The following HDHD5 variants were observed in gnomAD, a reference collection of about 807,000 sequenced individuals.
HDHD5 encodes haloacid dehalogenase-like hydrolase domain-containing 5.
In HDHD5, 34 loss-of-function variants were observed where a neutral mutation model predicts 35.5. The ratio of observed to expected loss-of-function variants is 0.96; its 90% CI spans 0.73 to 1.28. The LOEUF is 1.28. Among genes scored for constraint, HDHD5 ranks in the 50% most tolerant of loss-of-function variants. The pLI, the probability that HDHD5 is intolerant of heterozygous loss-of-function variation, is 0.00. For synonymous variants in HDHD5, 248 were observed against 240.6 expected (o/e 1.03, Z -0.29); for missense variants, 589 against 560.2 (o/e 1.05, Z -0.52).
chr22:17,161,636 G>A (rs543755017), upstream of HDHD5, among the ~76,000 whole-genome samples: 3 of 151,958 alleles, frequency 2.0e-5, no homozygotes, highest in East Asian at 1.9e-4. Context: ...GGGAAGCCGA[G>A]GCAGGTGGAT....
rs59104154 is a variant in HDHD5 at position 17,151,727 on chromosome 22, TAAAAAAAAA to T, written c.127-1991_127-1983del. ...CCTGGGCGACAAAGCTAGACTCTAC[TAAAAAAAAA>T]AAAAAAAAAAAAAAAAGAAGAAGAA... is the stretch of plus-strand genomic sequence containing the variant. On this transcript the variant is annotated intron_variant, in intron 1 of 7. Coordinates refer to ENST00000336737, the MANE Select transcript of HDHD5 (RefSeq NM_033070.3). 3.0e-4 allele frequency among the ~76,000 whole-genome samples: 34 copies of T among 113,112 alleles called. 1 individual carries two copies. Among genetic ancestry groups the T allele is most frequent in the East Asian group, 7.6e-4 (3 of 3,970 alleles). The allele number at this position is 113,112 out of a possible 152,430, so 74.2% of individuals were successfully genotyped here. A position where few individuals can be genotyped will look rare whatever the true frequency, so the allele number is the denominator to read the frequency against.
chr22:17,161,719 A>T (rs568295498), upstream of HDHD5, among the ~76,000 whole-genome samples: 111 of 150,648 alleles, frequency 7.4e-4, 2 homozygotes, highest in South Asian at 0.022. Flanking sequence ...TATATATATA[A>T]AAAAAAAATT....
intron 1 of HDHD5, among the ~76,000 whole-genome samples, chr22:17,153,373 A>G (rs1169938932): frequency 6.6e-6 from 1 of 152,182 alleles, no homozygotes. Context: ...TCTCAAATTC[A>G]GCTGGCAACT....
In HDHD5 at chr22:17,140,099, C is replaced by T. The variant is rs1440007316; in HGVS notation, c.746+960G>A. Among the ~76,000 whole-genome samples, 4 of 152,350 alleles carry T rather than the reference C, an allele frequency of 2.6e-5. No homozygotes were observed. In the South Asian group the frequency reaches 6.2e-4, roughly 24 times the overall value. On this transcript the variant is annotated intron_variant, in intron 6 of 7. Coordinates refer to ENST00000336737, the MANE Select transcript of HDHD5 (RefSeq NM_033070.3). ...GACAAGAGCATACCATACCCCGTCT[C>T]TCTGGGACTACTGAGACGGGCCCTG...
intron 1 of HDHD5, among the ~76,000 whole-genome samples, chr22:17,156,612 T>C (rs2061794510): frequency 6.6e-6 from 1 of 151,712 alleles, no homozygotes; most frequent in Admixed American, 6.6e-5. Context: ...CCATCTCTAC[T>C]AAAAATCCAA....
intron 3 of HDHD5, among the ~76,000 whole-genome samples, chr22:17,146,423 T>C (rs577561480): frequency 6.8e-6 from 1 of 148,142 alleles, no homozygotes; most frequent in African/African-American, 2.5e-5. Context: ...TCCACACCTG[T>C]GGCACACTCC....
chr22:17,151,490 G>C (rs2061724010), intron 1 of HDHD5, among the ~76,000 whole-genome samples: 1 of 152,152 alleles, frequency 6.6e-6, no homozygotes, highest in African/African-American at 2.4e-5. Context: ...AGCACTTTGG[G>C]AGGCTCAAGA....
Position 17,159,012 on chromosome 22 carries a change from G to A in HDHD5, c.126+114C>T, listed in dbSNP as rs1305577732. 8.1e-6 allele frequency: 8 copies of A among 981,624 alleles called. No homozygotes were observed. In the East Asian group the frequency reaches 3.0e-4, roughly 37 times the overall value. The allele number at this position is 981,624 out of a possible 1,614,324, so 60.8% of individuals were successfully genotyped here. A position where few individuals can be genotyped will look rare whatever the true frequency, so the allele number is the denominator to read the frequency against. ...GCACTCGGGCGCGACGACGGTCCAG[G>A]CAGTTCCCAGGAGGCTGGGATACCA... is the stretch of plus-strand genomic sequence containing the variant. On this transcript the variant is annotated intron_variant, in intron 1 of 7. Transcript: ENST00000336737.
intron 1 of HDHD5, among the ~76,000 whole-genome samples, chr22:17,156,947 A>G (rs1269203647): frequency 6.6e-6 from 1 of 151,850 alleles, no homozygotes; most frequent in Non-Finnish European, 1.5e-5. Context: ...GCGTGGTGGC[A>G]GGCGCCTGTA....
At chr22:17,144,602 CG>C (rs1453069324) in intron 4 of HDHD5, among the ~76,000 whole-genome samples, 1 of 152,012 alleles carries the variant, frequency 6.6e-6, no homozygotes, top group Middle Eastern at 3.2e-3. Context: ...TTAGTAGAGA[CG>C]GGGTTTCACC....
chr22:17,157,558 G>A (rs1434396279), intron 1 of HDHD5, among the ~76,000 whole-genome samples: 1 of 152,072 alleles, frequency 6.6e-6, no homozygotes, highest in Non-Finnish European at 1.5e-5. Context: ...CTGCTCTACC[G>A]GAAGAGTCAC....
chr22:17,155,160 T>C (rs1274203314), intron 1 of HDHD5, among the ~76,000 whole-genome samples: 1 of 152,142 alleles, frequency 6.6e-6, no homozygotes, highest in Non-Finnish European at 1.5e-5. Flanking sequence ...AGCTCATTTG[T>C]ACAATGGTTG....
At chr22:17,165,181 T>G in intron 1 of HDHD5, 1 of 772,868 alleles carries the variant, frequency 1.3e-6, no homozygotes, top group South Asian at 1.4e-5. Context: ...GGCCTCTCTC[T>G]ACCTGGGGAA....
chr22:17,144,574 C>T (rs561349610), intron 4 of HDHD5, among the ~76,000 whole-genome samples: 1 of 152,168 alleles, frequency 6.6e-6, no homozygotes, highest in East Asian at 1.9e-4. Context: ...TCACTGTGCC[C>T]AGCTAATTTT....
chr22:17,152,895 T>C (rs738032), intron 1 of HDHD5, among the ~76,000 whole-genome samples: 133,428 of 151,822 alleles, frequency 0.88, 58,792 homozygotes, highest in African/African-American at 0.93. Context: ...AGCTTGTACA[T>C]GAGCCCTCCA....
In HDHD5 at chr22:17,145,021, T is replaced by C; in HGVS notation, c.537+3A>G. 1 of 1,613,776 alleles carries C rather than the reference T, an allele frequency of 6.2e-7. No homozygotes were observed. The highest frequency in any genetic ancestry group is 8.5e-7 in the Non-Finnish European group (1 of 1,179,932). On this transcript the variant is annotated splice_donor_region_variant and intron_variant, in intron 4 of 7. Coordinates refer to ENST00000336737, the MANE Select transcript of HDHD5 (RefSeq NM_033070.3). ...ACACAGCCCAACCCATGCTCCTTAT[T>C]ACCGTGGTCTTTAGCCGCCGCTCCA...
At chr22:17,163,011 G>A (rs1042887235), upstream of HDHD5, among the ~76,000 whole-genome samples, 11 of 152,236 alleles carry the variant, frequency 7.2e-5, no homozygotes, top group East Asian at 1.9e-4. Flanking sequence ...ATGTTCTTTC[G>A]TATTCAGGTT....
rs1568939741 is a variant in HDHD5 at position 17,141,172 on chromosome 22, GA to G, written c.632del (p.Val211AlafsTer23). 6.3e-7 allele frequency: 1 copy of G among 1,597,714 alleles called. No individual in the cohort carries two copies. The highest frequency in any genetic ancestry group is 8.5e-7 in the Non-Finnish European group (1 of 1,172,842). On this transcript the variant is annotated frameshift_variant, in exon 6 of 8. Transcript: ENST00000336737. LOFTEE classifies it high-confidence loss of function. The stretch of plus-strand genomic sequence containing the variant: ...CCCCAGGGCTCCCATTGCTGAGGAG[GA>G]CATCCATGATCAGCTGCAGGCTGGT... ...WETSLQLIMD[V>X]LLSNGSPGAG...
At chr22:17,151,937 A>G (rs5994179) in intron 1 of HDHD5, among the ~76,000 whole-genome samples, 3,669 of 152,312 alleles carry the variant, frequency 0.024, 136 homozygotes, top group African/African-American at 0.084. Context: ...CAGTTTCTTC[A>G]AAGAGAATTT....
Sources: allele counts gnomAD v4.1 joint callset (sites outside exome capture counted in the v4.1 genomes callset), GRCh38; gene constraint gnomAD v4.1.1; transcripts MANE v1.5; gene names NCBI Gene and HGNC (gene_info 2026-07-23, HGNC 2026-07-21).